Variants in DAB2IP observed in about 807,000 individuals in gnomAD.
The protein encoded by DAB2IP is disabled homolog 2-interacting protein.
A neutral mutation model predicts 107.2 loss-of-function variants in DAB2IP; 28 were observed. The observed-to-expected ratio is 0.26, with a 90% confidence interval of 0.19 to 0.36. The LOEUF (loss-of-function observed/expected upper bound fraction) is 0.36. Ranked by LOEUF, DAB2IP falls within the 10% of genes least tolerant of loss-of-function variation. DAB2IP has a pLI of 1.00. For missense variants in DAB2IP, 1,400 were observed against 1,644.7 expected (o/e 0.85, Z 2.57); for synonymous variants, 755 against 706.4 (o/e 1.07, Z -1.09).
chr9:121,688,654 CT>C (rs989771751), intron 2 of DAB2IP, among the ~76,000 whole-genome samples: 3 of 152,364 alleles, frequency 2.0e-5, no homozygotes, highest in Admixed American at 1.3e-4. Context: ...TCCATCACTT[CT>C]GTCTCTCCCA....
intron 1 of DAB2IP, among the ~76,000 whole-genome samples, chr9:121,667,512 CAG>C (rs1833495144): frequency 6.6e-6 from 1 of 151,708 alleles, no homozygotes; most frequent in Admixed American, 6.6e-5. Flanking sequence ...TTTTTTTAGA[CAG>C]AGTTTCACTC....
intron 1 of DAB2IP, among the ~76,000 whole-genome samples, chr9:121,619,669 A>G (rs915165595): frequency 1.3e-5 from 2 of 152,138 alleles, no homozygotes; most frequent in Non-Finnish European, 2.9e-5. Context: ...AAGAATTGCA[A>G]ATGTCCTTAC....
At chr9:121,667,361 C>G (rs1330888653) in intron 1 of DAB2IP, among the ~76,000 whole-genome samples, 1 of 151,932 alleles carries the variant, frequency 6.6e-6, no homozygotes, top group Non-Finnish European at 1.5e-5. Context: ...TGGCTTCCTG[C>G]TCAGTTCACC....
chr9:121,646,491 C>A (rs1248210823), intron 1 of DAB2IP, among the ~76,000 whole-genome samples: 14 of 140,296 alleles, frequency 1.0e-4, no homozygotes. Flanking sequence ...GTCCCGCCAC[C>A]CCCCCCACCC....
At chr9:121,746,674 A>G (rs774114392) in intron 3 of DAB2IP, among the ~76,000 whole-genome samples, 8 of 152,224 alleles carry the variant, frequency 5.3e-5, no homozygotes, top group African/African-American at 1.4e-4. Flanking sequence ...GGGGCCCAGC[A>G]TGAGCTAAGG....
At chr9:121,758,591 G>C (rs905225699) in intron 4 of DAB2IP, among the ~76,000 whole-genome samples, 1 of 152,168 alleles carries the variant, frequency 6.6e-6, no homozygotes, top group Non-Finnish European at 1.5e-5. Context: ...CTCAGGGAGA[G>C]GGAGGTTAGA....
intron 1 of DAB2IP, among the ~76,000 whole-genome samples, chr9:121,573,091 T>C (rs1162501368): frequency 6.6e-6 from 1 of 152,172 alleles, no homozygotes; most frequent in African/African-American, 2.4e-5. Flanking sequence ...TTTGTTTGTT[T>C]TTGAGATGGA....
intron 3 of DAB2IP, among the ~76,000 whole-genome samples, chr9:121,743,808 G>A (rs566139392): frequency 4.8e-4 from 73 of 152,286 alleles, no homozygotes; most frequent in Non-Finnish European, 8.5e-4. Flanking sequence ...TGAGCTGGGC[G>A]GCAGCAGACA....
chr9:121,586,277 G>A (rs569151969), intron 1 of DAB2IP, among the ~76,000 whole-genome samples: 98 of 152,350 alleles, frequency 6.4e-4, no homozygotes, highest in African/African-American at 2.2e-3. Flanking sequence ...GATGGCAGAT[G>A]AACTTCAGGT....
intron 3 of DAB2IP, among the ~76,000 whole-genome samples, chr9:121,718,254 C>T (rs1158883737): frequency 1.3e-5 from 2 of 152,168 alleles, no homozygotes; most frequent in African/African-American, 4.8e-5. Flanking sequence ...CCAAGGCTCA[C>T]TCACTCACTC....
chr9:121,714,315 G>A (rs1436592252), intron 3 of DAB2IP, among the ~76,000 whole-genome samples: 1 of 152,200 alleles, frequency 6.6e-6, no homozygotes, highest in African/African-American at 2.4e-5. Context: ...TCATTATGGA[G>A]GGAAAATAGC....
In DAB2IP at chr9:121,751,085, GCTGCCCGGCTGCTGTGGACCTTTCCCC is replaced by G. The variant is rs1382638383; in HGVS notation, c.363-5901_363-5875del. On this transcript the variant is annotated intron_variant, in intron 3 of 15. Coordinates refer to ENST00000408936, the Ensembl canonical transcript of DAB2IP. ...GTTAGCTGGCTGTGGACCTTTCCCT[GCTGCCCGGCTGCTGTGGACCTTTCCCC>G]CTGCCCGGCTGCTGTGGACCTTTCC... 1.1e-3 allele frequency: 245 copies of G among 215,582 alleles called. 1 individual carries two copies. Among genetic ancestry groups the G allele is most frequent in the Admixed American group, 4.3e-3 (74 of 17,042 alleles). The allele number at this position is 215,582 out of a possible 1,614,324, so 13.4% of individuals were successfully genotyped here. A position where few individuals can be genotyped will look rare whatever the true frequency, so the allele number is the denominator to read the frequency against.
exon 13 of DAB2IP, chr9:121,774,278 C>G (rs1835016704): frequency 6.2e-7 from 1 of 1,612,200 alleles, no homozygotes; most frequent in Admixed American, 1.7e-5. Context: ...ACCTGTGAGC[C>G]CCAATGCCCT....
intron 2 of DAB2IP, among the ~76,000 whole-genome samples, chr9:121,681,487 C>A (rs750441580): frequency 1.6e-4 from 24 of 152,150 alleles, no homozygotes; most frequent in Non-Finnish European, 2.9e-4. Context: ...ACTCAACTCG[C>A]AGTCCCACCT....
Position 121,651,681 on chromosome 9 carries a change from G to A in DAB2IP, c.-95G>A, listed in dbSNP as rs1832745420. 3 of 1,116,486 alleles carry A rather than the reference G, an allele frequency of 2.7e-6. No individual in the cohort carries two copies. The highest frequency in any genetic ancestry group is 8.8e-5 in the South Asian group (2 of 22,770). The allele number at this position is 1,116,486 out of a possible 1,614,324, so 69.2% of individuals were successfully genotyped here. A position where few individuals can be genotyped will look rare whatever the true frequency, so the allele number is the denominator to read the frequency against. The stretch of plus-strand genomic sequence containing the variant: ...CTCGGCGGCCGCTCGGGCGAGCGCG[G>A]GAGAACGCGTGGGCGCCCGCCGGGC... On this transcript the variant is annotated 5_prime_UTR_variant, in exon 1 of 16. Transcript: ENST00000408936. This position sits in a 1 kb window ranked among gnomAD's most constrained non-coding sequence, Gnocchi z 5.1.
At chr9:121,708,632 A>C (rs1830175970) in intron 3 of DAB2IP, among the ~76,000 whole-genome samples, 1 of 152,362 alleles carries the variant, frequency 6.6e-6, no homozygotes, top group South Asian at 2.1e-4. Context: ...CACCTGTGCC[A>C]CCAAGGCCTG....
At chr9:121,752,128 G>A in intron 3 of DAB2IP, 1 of 699,474 alleles carries the variant, frequency 1.4e-6, no homozygotes, top group Non-Finnish European at 1.8e-6. Context: ...GGGGGAAGCG[G>A]CCCATACTTG....
chr9:121,743,847 G>C (rs1406817438), intron 3 of DAB2IP, among the ~76,000 whole-genome samples: 1 of 151,610 alleles, frequency 6.6e-6, no homozygotes, highest in Non-Finnish European at 1.5e-5. Flanking sequence ...CACAGGAGCT[G>C]GTCCCAGGAG....
At chr9:121,663,927 G>A (rs967881220) in intron 1 of DAB2IP, among the ~76,000 whole-genome samples, 1 of 152,218 alleles carries the variant, frequency 6.6e-6, no homozygotes, top group Non-Finnish European at 1.5e-5. Flanking sequence ...TGTTTTCAAC[G>A]TTTCCTAGCT....
Sources: allele counts gnomAD v4.1 joint callset (sites outside exome capture counted in the v4.1 genomes callset), GRCh38; gene constraint gnomAD v4.1.1; non-coding constraint Gnocchi (gnomAD v3.1); transcripts MANE v1.5; gene names NCBI Gene and HGNC (gene_info 2026-07-23, HGNC 2026-07-21).